Variants in CNKSR3 observed in about 807,000 individuals in gnomAD.
The protein encoded by CNKSR3 is connector enhancer of kinase suppressor of ras 3.
Under a neutral mutation model 67.7 loss-of-function variants are expected in CNKSR3, and 36 were observed. That is an observed-to-expected ratio of 0.53 (90% CI 0.41 to 0.70). The LOEUF is 0.70. Among genes scored for constraint, CNKSR3 ranks in the 30% least tolerant of loss-of-function variants. The pLI is 0.00. For missense variants in CNKSR3, 630 were observed against 695.2 expected (o/e 0.91, Z 1.05); for synonymous variants, 281 against 271.4 (o/e 1.04, Z -0.35).
intron 1 of CNKSR3, among the ~76,000 whole-genome samples, chr6:154,464,024 G>A (rs1444485660): frequency 6.6e-6 from 1 of 152,200 alleles, no homozygotes; most frequent in Admixed American, 6.5e-5. Context: ...TTTGTGTACA[G>A]TTAACTGACA....
intron 7 of CNKSR3, among the ~76,000 whole-genome samples, chr6:154,426,462 T>A (rs7768060): frequency 0.48 from 72,048 of 151,572 alleles, 17,548 homozygotes; most frequent in Non-Finnish European, 0.53. Flanking sequence ...TTCAAGCAAT[T>A]CTCCTGCCTC....
chr6:154,507,010 G>A (rs560660735), intron 1 of CNKSR3, among the ~76,000 whole-genome samples: 2 of 152,296 alleles, frequency 1.3e-5, no homozygotes, highest in East Asian at 3.9e-4. Flanking sequence ...CACCTGCTCT[G>A]CTGGGTGACA....
intron 9 of CNKSR3, among the ~76,000 whole-genome samples, chr6:154,415,569 C>A (rs1453597813): frequency 6.6e-6 from 1 of 152,148 alleles, no homozygotes; most frequent in Non-Finnish European, 1.5e-5. Flanking sequence ...CACACAATGT[C>A]TCTGTGCCCC....
At chr6:154,424,957 A>G (rs1200199962) in intron 7 of CNKSR3, among the ~76,000 whole-genome samples, 1 of 152,158 alleles carries the variant, frequency 6.6e-6, no homozygotes, top group Admixed American at 6.5e-5. Context: ...TTTTTAGCAG[A>G]GATGGGGTTT....
chr6:154,423,513 C>G (rs1194457341), intron 7 of CNKSR3, among the ~76,000 whole-genome samples: 1 of 152,196 alleles, frequency 6.6e-6, no homozygotes, highest in African/African-American at 2.4e-5. Context: ...CCACCTCAGC[C>G]TCCCAAAGTG....
chr6:154,486,290 TC>T (rs1562354357), intron 1 of CNKSR3, among the ~76,000 whole-genome samples: 4 of 142,132 alleles, frequency 2.8e-5, no homozygotes, highest in African/African-American at 1.2e-4. Context: ...TTTCTCTCTC[TC>T]TCTTTTTCTT....
chr6:154,502,862 T>A (rs958490933), intron 1 of CNKSR3, among the ~76,000 whole-genome samples: 1 of 151,974 alleles, frequency 6.6e-6, no homozygotes, highest in South Asian at 2.1e-4. Flanking sequence ...GCAAGAACGC[T>A]CAGGTCCGGG....
At position 154,510,287 on chromosome 6, in the gene CNKSR3, G is replaced by C; in HGVS notation, c.-173C>G. The C allele has an allele frequency of 1.5e-6, 1 of 647,170 alleles. No homozygotes were observed. Among genetic ancestry groups the C allele is most frequent in the South Asian group, 1.8e-5 (1 of 54,376 alleles). The allele number at this position is 647,170 out of a possible 1,614,324, so 40.1% of individuals were successfully genotyped here. On this transcript the variant is annotated 5_prime_UTR_variant, in exon 1 of 13. Coordinates refer to ENST00000607772, the MANE Select transcript of CNKSR3 (RefSeq NM_173515.4). Reference sequence around the variant, plus strand: ...CAGTCGTCCCAGCGCGGCTCCGCCAGGGGAGCCCGGCCCTCTCCCTCCAGC... The same window carrying C: ...CAGTCGTCCCAGCGCGGCTCCGCCACGGGAGCCCGGCCCTCTCCCTCCAGC...
At chr6:154,422,418 T>A (rs955169277) in intron 9 of CNKSR3, 88 bp downstream of exon 9, 4 of 1,311,954 alleles carry the variant, frequency 3.0e-6, no homozygotes, top group Non-Finnish European at 3.2e-6. Flanking sequence ...AACCAATCAA[T>A]CACCTTCAAA....
chr6:154,444,936 A>T (rs1785678111), intron 2 of CNKSR3, among the ~76,000 whole-genome samples: 1 of 152,116 alleles, frequency 6.6e-6, no homozygotes, highest in Non-Finnish European at 1.5e-5. Context: ...GGCTTTGGCT[A>T]TGTGGGCCAG....
chr6:154,498,490 A>G (rs1012109838), intron 1 of CNKSR3, among the ~76,000 whole-genome samples: 4 of 152,244 alleles, frequency 2.6e-5, no homozygotes, highest in East Asian at 1.9e-4. Context: ...CACAATCAGC[A>G]GAAACCAGAC....
At chr6:154,486,290 TCTC>T (rs200497890) in intron 1 of CNKSR3, among the ~76,000 whole-genome samples, 9 of 142,154 alleles carry the variant, frequency 6.3e-5, no homozygotes, top group African/African-American at 2.6e-4. Context: ...TTTCTCTCTC[TCTC>T]TTTTTCTTTT....
rs968638311 is a variant in CNKSR3, at chr6:154,388,147, T to C, written c.*18207A>G. ...TATTCACCTGACTTCACTGAAACTT[T>C]ATGCCTATTGATTAGTAACTCCCCA... is the stretch of plus-strand genomic sequence containing the variant. On this transcript the variant is annotated 3_prime_UTR_variant, in exon 13 of 13. Transcript: ENST00000607772. 6.6e-6 allele frequency: 1 copy of C among 152,218 alleles called. No individual in the cohort carries two copies. The highest frequency in any genetic ancestry group is 2.4e-5 in the African/African-American group (1 of 41,460). 9.4% of individuals were successfully genotyped at this position (152,218 alleles called of 1,614,324 possible).
At chr6:154,464,383 T>A (rs1011614570) in intron 1 of CNKSR3, among the ~76,000 whole-genome samples, 8 of 152,100 alleles carry the variant, frequency 5.3e-5, no homozygotes, top group African/African-American at 1.9e-4. Flanking sequence ...CACACTAACA[T>A]ACAATTCACA....
At chr6:154,504,983 T>A (rs9479884) in intron 1 of CNKSR3, among the ~76,000 whole-genome samples, 109,623 of 151,270 alleles carry the variant, frequency 0.72, 40,794 homozygotes, top group African/African-American at 0.87. Context: ...TGCAGGAGAG[T>A]GAATGGAACC....
chr6:154,439,251 A>G (rs1282132272), intron 4 of CNKSR3, among the ~76,000 whole-genome samples: 2 of 152,178 alleles, frequency 1.3e-5, no homozygotes, highest in African/African-American at 4.8e-5. Flanking sequence ...TATGCTCCAG[A>G]AGGTCAGGGA....
At position 154,442,116 on chromosome 6, in the gene CNKSR3, C is replaced by A. The variant is rs199590275; in HGVS notation, c.391G>T (p.Ala131Ser). ...TCCAGCCACGCCAGCAGGGCCTTGG[C>A]GGCGCCGATGAGCTCCACCACCGAG... ...LTSVVELIGAAKALLAWLDRA... is the reference protein window; with the variant it reads ...LTSVVELIGASKALLAWLDRA... Residue 131 changes from alanine (A) to serine (S), a missense_variant, in exon 3 of 13, where the codon GCC becomes TCC. Physicochemically the swap from Ala to Ser is moderately conservative, Grantham distance 99. Around this residue, in one of 3 missense-constraint regions of CNKSR3, gnomAD observed 189 missense variants for 205.0 expected, o/e 0.92. Transcript: ENST00000607772. 6.2e-7 allele frequency: 1 copy of A among 1,610,250 alleles called. No homozygotes were observed. The highest frequency in any genetic ancestry group is 8.5e-7 in the Non-Finnish European group (1 of 1,176,982).
At chr6:154,502,819 A>G (rs1787025322) in intron 1 of CNKSR3, among the ~76,000 whole-genome samples, 1 of 152,180 alleles carries the variant, frequency 6.6e-6, no homozygotes, top group Non-Finnish European at 1.5e-5. Context: ...CACGCCAGAA[A>G]TAGCATAAAT....
intron 1 of CNKSR3, among the ~76,000 whole-genome samples, chr6:154,464,156 G>A (rs1400765965): frequency 2.0e-5 from 3 of 152,176 alleles, no homozygotes; most frequent in South Asian, 2.1e-4. Context: ...TAAAACAGTT[G>A]TGTGCATCGT....
Sources: gnomAD v4.1 joint callset for allele counts (sites outside exome capture counted in the v4.1 genomes callset) on GRCh38, gnomAD v4.1.1 for gene constraint, gnomAD v4.1.1 regional missense constraint, MANE v1.5 for transcripts, NCBI Gene and HGNC (gene_info 2026-07-23, HGNC 2026-07-21) for gene names.